The following DENND5A variants were observed in gnomAD, a reference collection of about 807,000 sequenced individuals.
DENND5A encodes the protein DENN domain containing 5A.
DENND5A carries 64 observed loss-of-function variants against 140.3 expected under a neutral mutation model. The ratio of observed to expected loss-of-function variants is 0.46; its 90% CI spans 0.37 to 0.56. The LOEUF is 0.56. Ranked by LOEUF, DENND5A falls within the 20% of genes least tolerant of loss-of-function variation. DENND5A has a pLI of 0.00. For missense variants in DENND5A, 1,292 were observed against 1,593.8 expected (o/e 0.81, Z 3.22); for synonymous variants, 605 against 607.7 (o/e 1.00, Z 0.07).
chr11:9,233,467 C>T (rs1850864043), intron 1 of DENND5A, among the ~76,000 whole-genome samples: 1 of 151,512 alleles, frequency 6.6e-6, no homozygotes, highest in South Asian at 2.1e-4. Context: ...TGAATGGTGG[C>T]CCCAAAAAAG....
rs891812952 is a variant in DENND5A, at chr11:9,139,515, T to C, written c.*156A>G. 1 of 679,546 alleles carries C rather than the reference T, an allele frequency of 1.5e-6. No individual in the cohort carries two copies. The highest frequency in any genetic ancestry group is 2.4e-6 in the Non-Finnish European group (1 of 412,008). 42.1% of individuals were successfully genotyped at this position (679,546 alleles called of 1,614,324 possible). The stretch of plus-strand genomic sequence containing the variant: ...GCAAATCAGCAAATAAACTCTAAAA[T>C]AGATTATTTATTCCAAAAATCCTCT... On this transcript the variant is annotated 3_prime_UTR_variant, in exon 23 of 23. Coordinates refer to ENST00000328194, the MANE Select transcript of DENND5A (RefSeq NM_015213.4).
intron 6 of DENND5A, among the ~76,000 whole-genome samples, chr11:9,180,345 TGA>T: frequency 6.6e-6 from 1 of 152,058 alleles, no homozygotes; most frequent in Admixed American, 6.5e-5. Context: ...CCCAGCTACT[TGA>T]GAGGCTGAGG....
At chr11:9,234,447 G>A (rs980897540) in intron 1 of DENND5A, among the ~76,000 whole-genome samples, 3 of 151,812 alleles carry the variant, frequency 2.0e-5, no homozygotes, top group Non-Finnish European at 2.9e-5. Flanking sequence ...ATTAAAACAC[G>A]ACGACAGCAA....
At chr11:9,178,031 C>T (rs1590237237) in intron 8 of DENND5A, 101 bp downstream of exon 8, 2 of 853,022 alleles carry the variant, frequency 2.3e-6, no homozygotes, top group East Asian at 4.8e-5. Flanking sequence ...ACCACATACA[C>T]AAAGGCAGAA....
chr11:9,192,446 G>C (rs1227941406), intron 5 of DENND5A, among the ~76,000 whole-genome samples: 1 of 152,162 alleles, frequency 6.6e-6, no homozygotes, highest in Non-Finnish European at 1.5e-5. Context: ...GGCCAACATA[G>C]TGAAACCCCG....
intron 22 of DENND5A, among the ~76,000 whole-genome samples, chr11:9,140,605 C>A (rs1046962964): frequency 6.6e-5 from 10 of 152,190 alleles, no homozygotes; most frequent in African/African-American, 1.9e-4. Context: ...GAATCTTTCT[C>A]TGTCCCAGCT....
intron 15 of DENND5A, among the ~76,000 whole-genome samples, chr11:9,148,909 C>T (rs1013337641): frequency 1.3e-5 from 2 of 152,178 alleles, no homozygotes; most frequent in Middle Eastern, 3.4e-3. Flanking sequence ...AGAGAGCAAG[C>T]GAGAAAGCAA....
At chr11:9,259,797 T>C (rs1852112109) in intron 1 of DENND5A, among the ~76,000 whole-genome samples, 1 of 151,890 alleles carries the variant, frequency 6.6e-6, no homozygotes, top group Non-Finnish European at 1.5e-5. Context: ...GGGAGGCCAA[T>C]GCGGGTGGGT....
intron 1 of DENND5A, among the ~76,000 whole-genome samples, chr11:9,222,948 A>G (rs1168966098): frequency 1.3e-5 from 2 of 152,226 alleles, no homozygotes; most frequent in East Asian, 3.8e-4. Flanking sequence ...CTGCTAAATC[A>G]CTATAGCTGT....
chr11:9,140,122 A>C, intron 22 of DENND5A: 5 of 1,428,726 alleles, frequency 3.5e-6, no homozygotes, highest in Non-Finnish European at 4.7e-6. Flanking sequence ...CAGCCCCACC[A>C]CTGGTGTCTC....
At chr11:9,213,742 G>A (rs1849971143) in intron 1 of DENND5A, among the ~76,000 whole-genome samples, 1 of 146,622 alleles carries the variant, frequency 6.8e-6, no homozygotes, top group African/African-American at 2.5e-5. Flanking sequence ...TGGAGATGGT[G>A]GCTGCAGTGA....
At chr11:9,185,406 C>G (rs960543249) in intron 5 of DENND5A, among the ~76,000 whole-genome samples, 1 of 152,098 alleles carries the variant, frequency 6.6e-6, no homozygotes, top group African/African-American at 2.4e-5. Context: ...TACAGATAAG[C>G]AATTTTTCCA....
intron 1 of DENND5A, among the ~76,000 whole-genome samples, chr11:9,247,844 C>A (rs1851545430): frequency 1.3e-5 from 2 of 152,174 alleles, no homozygotes; most frequent in African/African-American, 4.8e-5. Context: ...CTCAAATTTC[C>A]CCCACAAAAG....
intron 1 of DENND5A, among the ~76,000 whole-genome samples, chr11:9,257,938 G>T (rs1321456104): frequency 1.3e-5 from 2 of 151,640 alleles, no homozygotes; most frequent in Admixed American, 6.6e-5. Context: ...GATTATAGGT[G>T]TGTGCCACCA....
intron 1 of DENND5A, among the ~76,000 whole-genome samples, chr11:9,235,652 T>C (rs12270071): frequency 0.043 from 6,329 of 147,876 alleles, 455 homozygotes; most frequent in African/African-American, 0.15. Flanking sequence ...AGCAAGACTC[T>C]GTCTCAAAAA....
chr11:9,247,847 C>G (rs1851545542), intron 1 of DENND5A, among the ~76,000 whole-genome samples: 1 of 152,176 alleles, frequency 6.6e-6, no homozygotes, highest in African/African-American at 2.4e-5. Flanking sequence ...AAATTTCCCC[C>G]ACAAAAGACA....
At position 9,174,118 on chromosome 11, in the gene DENND5A, A is replaced by G. The variant is rs528404736; in HGVS notation, c.1907-3341T>C. The stretch of plus-strand genomic sequence containing the variant: ...ACTCCGTCTCAAAAAAAAAAAAAAA[A>G]AAAAAAAAAAAGAAAAAAAAATTGA... On this transcript the variant is annotated intron_variant, in intron 8 of 22. Transcript: ENST00000328194. Among the ~76,000 whole-genome samples the G allele has an allele frequency of 2.0e-4, 30 of 147,334 alleles. No homozygotes were observed. In the South Asian group the frequency reaches 4.9e-3, roughly 24 times the overall value.
intron 1 of DENND5A, among the ~76,000 whole-genome samples, chr11:9,231,310 C>T (rs1267959936): frequency 1.3e-5 from 2 of 152,210 alleles, no homozygotes; most frequent in African/African-American, 2.4e-5. Flanking sequence ...CAGCAGCAAA[C>T]GTGGCTATAC....
At position 9,204,195 on chromosome 11, in the gene DENND5A, A is replaced by G. The variant is rs893222199; in HGVS notation, c.414T>C (p.Tyr138=). Residue 138 remains tyrosine (Y), a synonymous_variant, in exon 4 of 23, where the codon TAT becomes TAC. Coordinates refer to ENST00000328194, the MANE Select transcript of DENND5A (RefSeq NM_015213.4). ...SRTFGFALTF[Y]EEVTSKQICS... ...AGATCTGCTTGCTAGTCACCTCTTCATAAAATGTGAGGGCAAACCCAAATG... is the reference window on the plus strand; with the variant it reads ...AGATCTGCTTGCTAGTCACCTCTTCGTAAAATGTGAGGGCAAACCCAAATG... 35 of 1,614,026 alleles carry G rather than the reference A, an allele frequency of 2.2e-5. No individual in the cohort carries two copies. Among genetic ancestry groups the G allele is most frequent in the Non-Finnish European group, 2.8e-5 (33 of 1,180,032 alleles).
Sources: gnomAD v4.1 joint callset for allele counts (sites outside exome capture counted in the v4.1 genomes callset) on GRCh38, gnomAD v4.1.1 for gene constraint, MANE v1.5 for transcripts, NCBI Gene and HGNC (gene_info 2026-07-23, HGNC 2026-07-21) for gene names.